The following TSPOAP1 variants were observed in gnomAD, a reference collection of about 807,000 sequenced individuals.
TSPOAP1 encodes the protein TSPO associated protein 1.
Under a neutral mutation model 197.0 loss-of-function variants are expected in TSPOAP1, and 87 were observed. The observed-to-expected ratio is 0.44, with a 90% CI of 0.37 to 0.53. The LOEUF (loss-of-function observed/expected upper bound fraction) is 0.53, where lower values mean the gene tolerates loss of function less well. Among genes scored for constraint, TSPOAP1 ranks in the 20% least tolerant of loss-of-function variants. TSPOAP1 has a pLI of 0.00. For missense variants in TSPOAP1, 2,174 were observed against 2,411.3 expected, an observed-to-expected ratio of 0.90 and a Z score of 2.06; for synonymous variants, 913 against 998.9, an observed-to-expected ratio of 0.91 and a Z score of 1.62.
intron 13 of TSPOAP1, 133 bp from the exon 14 acceptor site, chr17:58,318,585 GAGAAAC>G: frequency 5.7e-6 from 5 of 873,630 alleles, no homozygotes; most frequent in Non-Finnish European, 6.8e-6. Flanking sequence ...AATATTTAGA[GAGAAAC>G]TTACTAAATA....
At position 58,307,951 on chromosome 17, in the gene TSPOAP1, G is replaced by A; in HGVS notation, c.4732-10C>T. On this transcript the variant is annotated splice_polypyrimidine_tract_variant and intron_variant, in intron 22 of 31. Coordinates refer to ENST00000343736, the MANE Select transcript of TSPOAP1 (RefSeq NM_004758.4). ...CTCCGGTCTCTGTTGCCTGCAAAAA[G>A]AGGGCAACAGATGGCAAAAGTAACA... 6 of 1,604,232 alleles carry A rather than the reference G, an allele frequency of 3.7e-6. No individual in the cohort carries two copies. Among genetic ancestry groups the A allele is most frequent in the Non-Finnish European group, 5.1e-6 (6 of 1,175,542 alleles).
At chr17:58,317,461 G>C (rs1424512521) in intron 14 of TSPOAP1, among the ~76,000 whole-genome samples, 4 of 152,166 alleles carry the variant, frequency 2.6e-5, no homozygotes, top group African/African-American at 9.7e-5. Flanking sequence ...GGGTAGCCTG[G>C]GGAACAGGCT....
At chr17:58,308,450 C>G (rs1055927124) in intron 22 of TSPOAP1, 91 bp downstream of exon 22, 4 of 1,476,704 alleles carry the variant, frequency 2.7e-6, no homozygotes, top group Middle Eastern at 5.1e-4. Context: ...TGGAGGCAGG[C>G]AGCGTGGAAT....
In TSPOAP1 at chr17:58,322,142, T is replaced by A; in HGVS notation, c.1422+166A>T. The A allele has an allele frequency of 1.6e-6, 1 of 636,482 alleles. No individual in the cohort carries two copies. The highest frequency in any genetic ancestry group is 2.7e-6 in the Non-Finnish European group (1 of 367,886). 39.4% of individuals were successfully genotyped at this position (636,482 alleles called of 1,614,324 possible). A position where few individuals can be genotyped will look rare whatever the true frequency, so the allele number is the denominator to read the frequency against. On this transcript the variant is annotated intron_variant, in intron 10 of 31. Transcript: ENST00000343736. This position sits in a 1 kb window ranked among gnomAD's most constrained non-coding sequence, Gnocchi z 5.0. ...GTGCTCATCAGTGTCTGAAATCAGC[T>A]CACTCCTGGATGCTAATTTGCTGAC...
In TSPOAP1 at chr17:58,309,948, C is replaced by T; in HGVS notation, c.3891+19G>A. The T allele has an allele frequency of 6.3e-7, 1 of 1,592,134 alleles. No homozygotes were observed. Among genetic ancestry groups the T allele is most frequent in the Non-Finnish European group, 8.6e-7 (1 of 1,167,514 alleles). ...GAGTTTGAGGCCTGGGGCCCAACAG[C>T]CCATCCCTACCCCGTTACCTTGGCC... On this transcript the variant is annotated intron_variant, in intron 21 of 31. Transcript: ENST00000343736. The surrounding 1 kb of genome is among the most constrained non-coding windows in gnomAD (Gnocchi z 5.0).
At position 58,309,310 on chromosome 17, in the gene TSPOAP1, A is replaced by C. The variant is rs1308706220; in HGVS notation, c.3962T>G (p.Leu1321Arg). Residue 1321 changes from leucine (L) to arginine (R), a missense_variant, in exon 22 of 32, where the codon CTC becomes CGC. Around this residue, in one of 5 missense-constraint regions of TSPOAP1, gnomAD observed 1,933 missense variants for 2,139.0 expected, o/e 0.90. Coordinates refer to ENST00000343736, the MANE Select transcript of TSPOAP1 (RefSeq NM_004758.4). This position sits in a 1 kb window ranked among gnomAD's most constrained non-coding sequence, Gnocchi z 5.0. ...EILEQILELP[L>R]QQFCSKKLFS... ...GAGCTTCTTGCTACAGAACTGCTGG[A>C]GGGGCAGCTCCAGGATCTGCTCCAA... 1 of 1,613,650 alleles carries C rather than the reference A, an allele frequency of 6.2e-7. No individual in the cohort carries two copies. The highest frequency in any genetic ancestry group is 1.7e-5 in the Admixed American group (1 of 60,002).
Position 58,322,547 on chromosome 17 carries a change from C to G in TSPOAP1, c.1317+107G>C, listed in dbSNP as rs1268228586. 1 of 1,559,302 alleles carries G rather than the reference C, an allele frequency of 6.4e-7. No homozygotes were observed. The highest frequency in any genetic ancestry group is 8.7e-7 in the Non-Finnish European group (1 of 1,154,232). On this transcript the variant is annotated intron_variant, in intron 9 of 31. Transcript: ENST00000343736. This position sits in a 1 kb window ranked among gnomAD's most constrained non-coding sequence, Gnocchi z 5.0. Reference sequence around the variant, plus strand: ...AAGGAAACTGAGCCTGGAGCAGCTCCAGGCCCAGGCCTCAGAGCTAGTGCC... The same window carrying G: ...AAGGAAACTGAGCCTGGAGCAGCTCGAGGCCCAGGCCTCAGAGCTAGTGCC...
In TSPOAP1 at chr17:58,319,131, C is replaced by G; in HGVS notation, c.1658G>C (p.Cys553Ser). Residue 553 changes from cysteine to serine, a missense_variant, in exon 13 of 32, where the codon TGC (cysteine) becomes TCC (serine). By Grantham distance (112) the Cys-to-Ser change is moderately radical (BLOSUM62 -1). Coordinates refer to ENST00000343736, the MANE Select transcript of TSPOAP1 (RefSeq NM_004758.4). Reference sequence around the variant, plus strand: ...CCGGCAAGGCTGGGGAATGGAGCAGCAGCAGGGGGGTGGTGGGCAGTCTCC... The same window carrying G: ...CCGGCAAGGCTGGGGAATGGAGCAGGAGCAGGGGGGTGGTGGGCAGTCTCC... ...SLGDCPPPPC[C>S]CSIPQPCRGS... 6.5e-7 allele frequency: 1 copy of G among 1,548,480 alleles called. No homozygotes were observed. Among genetic ancestry groups the G allele is most frequent in the South Asian group, 1.2e-5 (1 of 84,244 alleles).
Position 58,322,688 on chromosome 17 carries a change from T to C in TSPOAP1, c.1283A>G (p.Gln428Arg), listed in dbSNP as rs1247864294. The C allele has an allele frequency of 6.2e-7, 1 of 1,611,614 alleles. No homozygotes were observed. ...TTGCTCCAGGCTCTCCAGCTTGCTC[T>C]GCAGGCCCTGGCTCTTGCGAAGGGC... is the stretch of plus-strand genomic sequence containing the variant. ...DSALRKSQGL[Q>R]SKLESLEQVL... is the part of the protein sequence containing the mutation. Residue 428 changes from glutamine (Q) to arginine (R), a missense_variant, in exon 9 of 32, where the codon CAG becomes CGG. Physicochemically the swap from Gln to Arg is conservative, Grantham distance 43. This residue lies in a region of TSPOAP1 where 1,933 missense variants were observed against 2,139.0 expected (regional missense o/e 0.90). Transcript: ENST00000343736. This position sits in a 1 kb window ranked among gnomAD's most constrained non-coding sequence, Gnocchi z 5.0.
Position 58,302,467 on chromosome 17 carries a change from G to A in TSPOAP1, c.*33-20C>T. ...CCAGTCCTGAAATGTGAGACAGAAGGAGCAAGGTCAGGGCCTGATTCCCTC... is the reference window on the plus strand; with the variant it reads ...CCAGTCCTGAAATGTGAGACAGAAGAAGCAAGGTCAGGGCCTGATTCCCTC... On this transcript the variant is annotated intron_variant, in intron 31 of 31. Coordinates refer to ENST00000343736, the MANE Select transcript of TSPOAP1 (RefSeq NM_004758.4). The A allele has an allele frequency of 8.3e-7, 1 of 1,210,160 alleles. No individual in the cohort carries two copies. Among genetic ancestry groups the A allele is most frequent in the Non-Finnish European group, 1.0e-6 (1 of 953,754 alleles). 75.0% of individuals were successfully genotyped at this position (1,210,160 alleles called of 1,614,324 possible).
intron 16 of TSPOAP1, among the ~76,000 whole-genome samples, chr17:58,314,918 T>A: frequency 6.6e-6 from 1 of 152,374 alleles, no homozygotes; most frequent in South Asian, 2.1e-4. Flanking sequence ...GGACAGGGAA[T>A]ACGGCATCTT....
At chr17:58,317,161 A>G (rs536111204) in intron 14 of TSPOAP1, among the ~76,000 whole-genome samples, 1 of 152,168 alleles carries the variant, frequency 6.6e-6, no homozygotes, top group Non-Finnish European at 1.5e-5. Flanking sequence ...GCGCCACTGC[A>G]CTGCAGCCTG....
rs535069013 is a variant in TSPOAP1, at chr17:58,326,941, G to A, written c.334-151C>T. ...TCCCAGGCCTTCAGAGAGGAGCAGA[G>A]GAGGCCTAGGAGAAGGAACTGTCCA... On this transcript the variant is annotated intron_variant, in intron 1 of 31. Coordinates refer to ENST00000343736, the MANE Select transcript of TSPOAP1 (RefSeq NM_004758.4). The surrounding 1 kb of genome is among the most constrained non-coding windows in gnomAD (Gnocchi z 4.7). 1.0e-5 allele frequency: 7 copies of A among 676,388 alleles called. No individual in the cohort carries two copies. The East Asian group carries it at 1.9e-4, about 18-fold the overall frequency. The allele number at this position is 676,388 out of a possible 1,614,324, so 41.9% of individuals were successfully genotyped here. A position where few individuals can be genotyped will look rare whatever the true frequency, so the allele number is the denominator to read the frequency against.
chr17:58,305,979 C>G, intron 26 of TSPOAP1, 114 bp from the exon 27 acceptor site: 2 of 1,226,130 alleles, frequency 1.6e-6, no homozygotes, highest in Non-Finnish European at 2.3e-6. Context: ...AGGAAGGCTG[C>G]CGAGGGCGCA....
Position 58,309,925 on chromosome 17 carries a change from G to T in TSPOAP1, c.3891+42C>A. The T allele has an allele frequency of 6.4e-7, 1 of 1,569,288 alleles. No individual in the cohort carries two copies. On this transcript the variant is annotated intron_variant, in intron 21 of 31. Coordinates refer to ENST00000343736, the MANE Select transcript of TSPOAP1 (RefSeq NM_004758.4). The surrounding 1 kb of genome is among the most constrained non-coding windows in gnomAD (Gnocchi z 5.0). ...TGACACACAGTGGGGAGGCCCCGGA[G>T]TTTGAGGCCTGGGGCCCAACAGCCC...
At chr17:58,315,111 A>G (rs1971187738) in intron 16 of TSPOAP1, among the ~76,000 whole-genome samples, 1 of 152,070 alleles carries the variant, frequency 6.6e-6, no homozygotes, top group South Asian at 2.1e-4. Context: ...ATTTTCCTGA[A>G]AGCTTTTTAA....
chr17:58,312,831 C>T (rs2143049811), intron 16 of TSPOAP1, 109 bp from the exon 17 acceptor site: 2 of 776,606 alleles, frequency 2.6e-6, no homozygotes, highest in East Asian at 2.7e-5. Flanking sequence ...TGATCTTCAG[C>T]ATTTGATTCA....
Position 58,318,419 on chromosome 17 carries a change from C to T in TSPOAP1, c.1733G>A (p.Cys578Tyr). ...LDLPPGSPGR[C>Y]TPKSSEPAPA... ...GGCAGGCTCGGAAGACTTTGGGGTG[C>T]AGCGCCCAGGGGAGCCCGGCGGGAG... Residue 578 changes from cysteine (C) to tyrosine (Y), a missense_variant, in exon 14 of 32, where the codon TGC becomes TAC. Transcript: ENST00000343736. The T allele has an allele frequency of 1.2e-6, 2 of 1,613,742 alleles. No individual in the cohort carries two copies. Among genetic ancestry groups the T allele is most frequent in the Non-Finnish European group, 1.7e-6 (2 of 1,179,908 alleles).
At chr17:58,316,749 G>T (rs1031334028) in intron 14 of TSPOAP1, among the ~76,000 whole-genome samples, 7 of 152,224 alleles carry the variant, frequency 4.6e-5, no homozygotes, top group African/African-American at 1.7e-4. Flanking sequence ...AGCTGCCCTG[G>T]GCAGGGGCAG....
Sources: allele counts gnomAD v4.1 joint callset (sites outside exome capture counted in the v4.1 genomes callset), GRCh38; gene constraint gnomAD v4.1.1; regional missense constraint gnomAD v4.1.1; non-coding constraint Gnocchi (gnomAD v3.1); transcripts MANE v1.5; gene names NCBI Gene and HGNC (gene_info 2026-07-23, HGNC 2026-07-21).